The following ARHGAP5 variants were observed in gnomAD, a reference collection of about 807,000 sequenced individuals.
ARHGAP5 encodes the protein rho GTPase-activating protein 5.
A neutral mutation model predicts 116.6 loss-of-function variants in ARHGAP5; 23 were observed. The ratio of observed to expected loss-of-function variants is 0.20; its 90% CI spans 0.14 to 0.28. The LOEUF is 0.28. Ranked by LOEUF, ARHGAP5 falls within the 10% of genes least tolerant of loss-of-function variation. The pLI, the probability that ARHGAP5 is intolerant of heterozygous loss-of-function variation, is 1.00. For synonymous variants in ARHGAP5, 574 were observed against 602.0 expected (o/e 0.95, Z 0.68); for missense variants, 1,405 against 1,774.8 (o/e 0.79, Z 3.74).
At chr14:32,139,318 C>A (rs1227434357) in intron 3 of ARHGAP5, among the ~76,000 whole-genome samples, 1 of 151,914 alleles carries the variant, frequency 6.6e-6, no homozygotes, top group Non-Finnish European at 1.5e-5. Context: ...TGGCATAATT[C>A]ATCAGTGAAA....
intron 1 of ARHGAP5, among the ~76,000 whole-genome samples, chr14:32,081,801 T>G (rs1416957230): frequency 6.6e-6 from 1 of 152,230 alleles, no homozygotes; most frequent in Non-Finnish European, 1.5e-5. Flanking sequence ...GTTCTTTTAC[T>G]GATTCAAAAT....
intron 3 of ARHGAP5, among the ~76,000 whole-genome samples, chr14:32,121,005 G>A (rs1001200560): frequency 1.5e-5 from 2 of 136,496 alleles, no homozygotes; most frequent in Admixed American, 1.6e-4. Context: ...ACACATTTAG[G>A]ATTATGTCTT....
intron 3 of ARHGAP5, among the ~76,000 whole-genome samples, chr14:32,144,296 A>G (rs1042922753): frequency 5.9e-5 from 9 of 152,076 alleles, no homozygotes; most frequent in Non-Finnish European, 1.3e-4. Context: ...TTTTGAGGTA[A>G]GATTACAGGT....
intron 4 of ARHGAP5, among the ~76,000 whole-genome samples, chr14:32,148,185 T>C (rs908238674): frequency 6.6e-6 from 1 of 151,520 alleles, no homozygotes; most frequent in African/African-American, 2.4e-5. Context: ...TATCTATCTA[T>C]CTATCTATCT....
intron 3 of ARHGAP5, among the ~76,000 whole-genome samples, chr14:32,126,721 CAGT>C (rs1173262497): frequency 7.9e-5 from 12 of 152,120 alleles, no homozygotes; most frequent in Non-Finnish European, 1.2e-4. Flanking sequence ...TTTTCTGTGT[CAGT>C]TGAGATAATC....
At chr14:32,107,091 A>G (rs973987926) in intron 2 of ARHGAP5, among the ~76,000 whole-genome samples, 7 of 152,188 alleles carry the variant, frequency 4.6e-5, no homozygotes, top group African/African-American at 1.7e-4. Context: ...TTTTTTCATT[A>G]TAACAGACTA....
chr14:32,140,113 TC>T (rs1323712532), intron 3 of ARHGAP5, among the ~76,000 whole-genome samples: 49 of 113,836 alleles, frequency 4.3e-4, no homozygotes, highest in African/African-American at 1.2e-3. Context: ...TTTTTTTTTT[TC>T]CTTTTTTTTT....
intron 2 of ARHGAP5, among the ~76,000 whole-genome samples, chr14:32,104,207 ATAGT>A (rs1329048202): frequency 6.6e-6 from 1 of 152,178 alleles, no homozygotes; most frequent in African/African-American, 2.4e-5. Context: ...ATTCACTTGA[ATAGT>A]TAGTTGCTTT....
In ARHGAP5 at chr14:32,149,936, A is replaced by C. The variant is rs755864523; in HGVS notation, c.3978A>C (p.Thr1326=). ...TCAATCTAGTGTCAATGGAAGTAACAGTAAATGCTGTAGCTGGAGCCCTTA... is the reference window on the plus strand; with the variant it reads ...TCAATCTAGTGTCAATGGAAGTAACCGTAAATGCTGTAGCTGGAGCCCTTA... ...HNINLVSMEV[T]VNAVAGALKA... Residue 1326 remains threonine (T), a synonymous_variant, in exon 5 of 7, where the codon ACA becomes ACC. Transcript: ENST00000345122. 2.1e-5 allele frequency: 33 copies of C among 1,590,184 alleles called. 1 individual carries two copies. Among genetic ancestry groups the C allele is most frequent in the Middle Eastern group, 2.0e-4 (1 of 5,096 alleles).
intron 2 of ARHGAP5, among the ~76,000 whole-genome samples, chr14:32,111,978 C>G (rs906335499): frequency 1.3e-4 from 19 of 151,684 alleles, no homozygotes; most frequent in African/African-American, 4.1e-4. Context: ...GCCACCATGC[C>G]CAGCTGATTT....
chr14:32,106,665 A>G (rs979719216), intron 2 of ARHGAP5, among the ~76,000 whole-genome samples: 8 of 152,210 alleles, frequency 5.3e-5, no homozygotes, highest in African/African-American at 1.9e-4. Context: ...TTAGGCATCT[A>G]AAGCCATTTG....
intron 1 of ARHGAP5, among the ~76,000 whole-genome samples, chr14:32,083,930 T>G (rs976552279): frequency 2.0e-5 from 3 of 152,108 alleles, no homozygotes; most frequent in Non-Finnish European, 4.4e-5. Context: ...ACATTGAAAA[T>G]CTCTGACAAA....
At chr14:32,101,224 T>C (rs2139037678) in intron 2 of ARHGAP5, among the ~76,000 whole-genome samples, 1 of 152,286 alleles carries the variant, frequency 6.6e-6, no homozygotes, top group Non-Finnish European at 1.5e-5. Flanking sequence ...ATTAGTGTCT[T>C]AAAAGATTTT....
intron 2 of ARHGAP5, among the ~76,000 whole-genome samples, chr14:32,103,994 A>G (rs112071473): frequency 3.3e-5 from 5 of 152,314 alleles, no homozygotes; most frequent in African/African-American, 1.2e-4. Context: ...ACTTTTTGGA[A>G]ATTGTTCTTA....
rs1012662347 is a variant in ARHGAP5, at chr14:32,156,627, AT to A, written c.*1684del. 1 of 152,320 alleles carries A rather than the reference AT, an allele frequency of 6.6e-6. No homozygotes were observed. The highest frequency in any genetic ancestry group is 1.9e-4 in the East Asian group (1 of 5,196). 9.4% of individuals were successfully genotyped at this position (152,320 alleles called of 1,614,324 possible). ...ACACAGGAATTAAGAAAGTACAGTA[AT>A]TTTTAAAAAAAAATCCGGTAAATGT... On this transcript the variant is annotated 3_prime_UTR_variant, in exon 7 of 7. Transcript: ENST00000345122.
intron 3 of ARHGAP5, among the ~76,000 whole-genome samples, chr14:32,118,691 C>T (rs1371811384): frequency 1.3e-5 from 2 of 152,122 alleles, no homozygotes; most frequent in Admixed American, 6.6e-5. Flanking sequence ...TTCTGTCCAC[C>T]TTTAATGTAG....
At chr14:32,139,319 A>G (rs1196250874) in intron 3 of ARHGAP5, among the ~76,000 whole-genome samples, 3 of 152,110 alleles carry the variant, frequency 2.0e-5, no homozygotes, top group Non-Finnish European at 4.4e-5. Context: ...GGCATAATTC[A>G]TCAGTGAAAA....
chr14:32,146,128 G>T, intron 3 of ARHGAP5, 135 bp from the exon 4 acceptor site: 1 of 573,686 alleles, frequency 1.7e-6, no homozygotes, highest in Non-Finnish European at 3.1e-6. Context: ...CCCAGGCTGG[G>T]CTCAAACTCC....
chr14:32,113,301 C>A (rs1039925302), intron 2 of ARHGAP5, among the ~76,000 whole-genome samples: 6 of 152,066 alleles, frequency 3.9e-5, no homozygotes. Context: ...AGTGTCTAAT[C>A]CAAAACTTTA....
Sources: gnomAD v4.1 joint callset for allele counts (sites outside exome capture counted in the v4.1 genomes callset) on GRCh38, gnomAD v4.1.1 for gene constraint, MANE v1.5 for transcripts, NCBI Gene and HGNC (gene_info 2026-07-23, HGNC 2026-07-21) for gene names.